HCN1: variants seen among roughly 807,000 people sequenced by gnomAD.
The protein encoded by HCN1 is potassium/sodium hyperpolarization-activated cyclic nucleotide-gated channel 1.
In HCN1, 13 loss-of-function variants were observed where a neutral mutation model predicts 78.9. The ratio of observed to expected loss-of-function variants is 0.16; its 90% confidence interval spans 0.11 to 0.26. The LOEUF is 0.26. HCN1 is among the 10% of genes least tolerant of loss of function. The pLI is 1.00. For synonymous variants in HCN1, 552 were observed against 455.5 expected (o/e 1.21, Z -2.70); for missense variants, 810 against 1,154.3 (o/e 0.70, Z 4.32).
At chr5:45,534,001 T>A (rs1051048455) in intron 2 of HCN1, among the ~76,000 whole-genome samples, 29 of 152,168 alleles carry the variant, frequency 1.9e-4, no homozygotes, top group African/African-American at 6.5e-4. Flanking sequence ...AGATGTATTA[T>A]CTAAAAGTTT....
chr5:45,574,574 C>G (rs914507477), intron 2 of HCN1: 10 of 152,056 alleles, frequency 6.6e-5, no homozygotes, highest in African/African-American at 2.4e-4. Context: ...ACAATGGCCT[C>G]TAAGTGTTCA....
At chr5:45,395,698 C>A (rs1161123192) in intron 4 of HCN1, among the ~76,000 whole-genome samples, 1 of 152,110 alleles carries the variant, frequency 6.6e-6, no homozygotes, top group African/African-American at 2.4e-5. Flanking sequence ...ATGACTCTGT[C>A]AGGATCAACA....
chr5:45,502,586 G>A (rs1742212337), intron 2 of HCN1, among the ~76,000 whole-genome samples: 1 of 151,618 alleles, frequency 6.6e-6, no homozygotes, highest in Admixed American at 6.6e-5. Context: ...CTTTATATTA[G>A]ATAAATGATA....
intron 2 of HCN1, among the ~76,000 whole-genome samples, chr5:45,537,521 G>GTTTTT (rs1381285677): frequency 3.5e-5 from 1 of 28,838 alleles, no homozygotes; most frequent in Non-Finnish European, 8.4e-5. Context: ...GCAACTCTAA[G>GTTTTT]TCTTTTTTTT....
chr5:45,434,468 C>T (rs545306531), intron 3 of HCN1, among the ~76,000 whole-genome samples: 1 of 152,196 alleles, frequency 6.6e-6, no homozygotes, highest in South Asian at 2.1e-4. Flanking sequence ...GATGGTGGAA[C>T]TAAAGAACAC....
chr5:45,274,865 C>T (rs909808228), intron 6 of HCN1, among the ~76,000 whole-genome samples: 2 of 152,116 alleles, frequency 1.3e-5, no homozygotes, highest in Non-Finnish European at 2.9e-5. Flanking sequence ...ATCTTAGTTC[C>T]TACATTATTG....
intron 2 of HCN1, chr5:45,642,071 G>T (rs1443712955): frequency 6.6e-6 from 1 of 152,114 alleles, no homozygotes; most frequent in Non-Finnish European, 1.5e-5. Flanking sequence ...AAATTGGAAA[G>T]ATTCACCTCA....
chr5:45,376,548 A>G (rs776298899), intron 4 of HCN1, among the ~76,000 whole-genome samples: 9 of 151,174 alleles, frequency 6.0e-5, no homozygotes, highest in Non-Finnish European at 1.3e-4. Context: ...AAAACAAAAC[A>G]ATCTTCTAAA....
intron 6 of HCN1, among the ~76,000 whole-genome samples, chr5:45,302,559 C>A (rs551841352): frequency 2.6e-5 from 4 of 151,858 alleles, no homozygotes; most frequent in East Asian, 1.9e-4. Context: ...AAAATAAGAT[C>A]AAATAGTCTT....
intron 6 of HCN1, among the ~76,000 whole-genome samples, chr5:45,268,029 A>G (rs1378468249): frequency 1.3e-5 from 2 of 152,324 alleles, no homozygotes; most frequent in East Asian, 1.9e-4. Context: ...AGAAGCCAAA[A>G]TGAGTCCAAA....
chr5:45,464,815 T>C (rs2111634297), intron 2 of HCN1, among the ~76,000 whole-genome samples: 1 of 85,984 alleles, frequency 1.2e-5, no homozygotes, highest in East Asian at 4.3e-4. Flanking sequence ...GTTAAAACTT[T>C]ACTCAAGAAA....
At chr5:45,647,277 C>A (rs1252965197) in intron 1 of HCN1, among the ~76,000 whole-genome samples, 1 of 152,100 alleles carries the variant, frequency 6.6e-6, no homozygotes, top group African/African-American at 2.4e-5. Context: ...AATGGAAATG[C>A]AAAATATACC....
At chr5:45,393,704 A>G (rs1739629645) in intron 4 of HCN1, among the ~76,000 whole-genome samples, 1 of 152,196 alleles carries the variant, frequency 6.6e-6, no homozygotes, top group African/African-American at 2.4e-5. Context: ...TTGTTTTTAT[A>G]TATGCATAAT....
At chr5:45,347,089 C>A (rs1303717812) in intron 5 of HCN1, among the ~76,000 whole-genome samples, 1 of 152,200 alleles carries the variant, frequency 6.6e-6, no homozygotes, top group Non-Finnish European at 1.5e-5. Flanking sequence ...CCCCTGATCC[C>A]CGAACAGCCT....
chr5:45,685,833 A>C (rs960735440), intron 1 of HCN1, among the ~76,000 whole-genome samples: 1 of 152,248 alleles, frequency 6.6e-6, no homozygotes, highest in African/African-American at 2.4e-5. Context: ...ATGAAGGTAA[A>C]AAGGAAATAG....
rs199743773 is a variant in HCN1 at position 45,524,305 on chromosome 5, G to A, written c.850-62298C>T. On this transcript the variant is annotated intron_variant, in intron 2 of 7. Coordinates refer to ENST00000303230, the MANE Select transcript of HCN1 (RefSeq NM_021072.4). ...GAAGTCAGGTAGCGTGATGCCTCCC[G>A]CTTTGTTCTTTTGGCTTAGGATTGA... 1.8e-3 allele frequency among the ~76,000 whole-genome samples: 279 copies of A among 152,146 alleles called. 6 individuals are homozygous for A. The East Asian group carries it at 0.018, about 10-fold the overall frequency.
chr5:45,264,895 A>G (rs1184515081), intron 7 of HCN1, among the ~76,000 whole-genome samples: 2 of 152,180 alleles, frequency 1.3e-5, no homozygotes, highest in African/African-American at 2.4e-5. Flanking sequence ...ATATTGTTAT[A>G]AAAATTAACT....
At chr5:45,593,324 T>TCC (rs1419632399) in intron 2 of HCN1, among the ~76,000 whole-genome samples, 2,737 of 118,330 alleles carry the variant, frequency 0.023, 114 homozygotes, top group African/African-American at 0.091. Flanking sequence ...TCTCTCTCCC[T>TCC]CTCTCTCTCT....
At chr5:45,677,298 T>C (rs2112083566) in intron 1 of HCN1, among the ~76,000 whole-genome samples, 1 of 151,936 alleles carries the variant, frequency 6.6e-6, no homozygotes, top group Admixed American at 6.6e-5. Context: ...TGCTCTACTC[T>C]GGTTGAGCAG....
Sources: gnomAD v4.1 joint callset for allele counts (sites outside exome capture counted in the v4.1 genomes callset) on GRCh38, gnomAD v4.1.1 for gene constraint, MANE v1.5 for transcripts, NCBI Gene and HGNC (gene_info 2026-07-23, HGNC 2026-07-21) for gene names.